Variants in MARCHF6 observed in about 807,000 individuals in gnomAD.
MARCHF6 encodes the protein E3 ubiquitin-protein ligase MARCHF6.
MARCHF6 carries 31 observed loss-of-function variants against 133.7 expected under a neutral mutation model. The ratio of observed to expected loss-of-function variants is 0.23; its 90% CI spans 0.17 to 0.31. The LOEUF is 0.31. MARCHF6 is among the 10% of genes least tolerant of loss of function. The pLI, the probability that MARCHF6 is intolerant of heterozygous loss-of-function variation, is 1.00. For synonymous variants in MARCHF6, 395 were observed against 402.5 expected (o/e 0.98, Z 0.22); for missense variants, 723 against 1,121.6 (o/e 0.64, Z 5.08).
chr5:10,381,238 G>A (rs982250926), intron 3 of MARCHF6, among the ~76,000 whole-genome samples: 3 of 152,208 alleles, frequency 2.0e-5, no homozygotes, highest in African/African-American at 7.2e-5. Flanking sequence ...ATTTCTCAGA[G>A]TAGTGGGAAG....
rs1343655969 is a variant in MARCHF6 at position 10,400,845 on chromosome 5, G to A, written c.972+3G>A. Reference sequence around the variant, plus strand: ...TTGGTTTGGGATTTGAAGAACACGTGAGTATAATACTTTTACAAAGTTACT... The same window carrying A: ...TTGGTTTGGGATTTGAAGAACACGTAAGTATAATACTTTTACAAAGTTACT... On this transcript the variant is annotated splice_donor_region_variant and intron_variant, in intron 11 of 25. Transcript: ENST00000274140. 2.5e-6 allele frequency: 4 copies of A among 1,601,766 alleles called. No homozygotes were observed. The highest frequency in any genetic ancestry group is 1.7e-5 in the Admixed American group (1 of 59,980).
At chr5:10,405,743 GT>G (rs1206233594) in intron 16 of MARCHF6, 66 bp downstream of exon 16, 32 of 1,418,262 alleles carry the variant, frequency 2.3e-5, no homozygotes, top group South Asian at 4.4e-5. Context: ...TTTTGTTTAG[GT>G]TTTTTTTTCC....
chr5:10,415,048 C>A (rs1739423452), intron 20 of MARCHF6, among the ~76,000 whole-genome samples: 1 of 152,064 alleles, frequency 6.6e-6, no homozygotes, highest in African/African-American at 2.4e-5. Flanking sequence ...GATGAATGAG[C>A]CAATTGGAAG....
chr5:10,364,681 G>A (rs2967944), intron 1 of MARCHF6, among the ~76,000 whole-genome samples: 126,461 of 152,200 alleles, frequency 0.83, 53,697 homozygotes, highest in Non-Finnish European at 0.89. Flanking sequence ...GCCCACAGCT[G>A]TTGGGCAGAA....
At chr5:10,423,218 G>T (rs1395255721) in intron 22 of MARCHF6, among the ~76,000 whole-genome samples, 2 of 151,956 alleles carry the variant, frequency 1.3e-5, no homozygotes, top group African/African-American at 2.4e-5. Flanking sequence ...GTCTGGTGGA[G>T]AGCTGGAGGG....
chr5:10,428,320 A>T (rs1209306862), intron 24 of MARCHF6, among the ~76,000 whole-genome samples: 9 of 141,678 alleles, frequency 6.4e-5, no homozygotes, highest in African/African-American at 2.1e-4. Flanking sequence ...TTCAAAGCCC[A>T]TTGCTTTTTA....
intron 4 of MARCHF6, among the ~76,000 whole-genome samples, chr5:10,384,749 G>A (rs1293073591): frequency 6.6e-6 from 1 of 152,198 alleles, no homozygotes; most frequent in Non-Finnish European, 1.5e-5. Flanking sequence ...CAGTGATCAA[G>A]GGGGAGCGCA....
chr5:10,361,400 C>G (rs1735811479), intron 1 of MARCHF6, among the ~76,000 whole-genome samples: 1 of 152,100 alleles, frequency 6.6e-6, no homozygotes, highest in Non-Finnish European at 1.5e-5. Flanking sequence ...GTTGGTAGGC[C>G]TGGTTTCTTC....
chr5:10,358,699 T>C (rs1735629720), intron 1 of MARCHF6, among the ~76,000 whole-genome samples: 1 of 152,210 alleles, frequency 6.6e-6, no homozygotes, highest in Non-Finnish European at 1.5e-5. Context: ...TTTGGAGATT[T>C]GCAGCAATTT....
chr5:10,373,129 C>T (rs1215761627), intron 1 of MARCHF6, among the ~76,000 whole-genome samples: 2 of 152,058 alleles, frequency 1.3e-5, no homozygotes, highest in African/African-American at 4.8e-5. Flanking sequence ...GTAGTTGTGT[C>T]TTTGCATTCT....
chr5:10,430,368 C>CG (rs1561154668), intron 25 of MARCHF6, among the ~76,000 whole-genome samples: 1 of 136,366 alleles, frequency 7.3e-6, no homozygotes, highest in Non-Finnish European at 1.5e-5. Context: ...TGCAGTGGTG[C>CG]GAACTTGGCT....
In MARCHF6 at chr5:10,437,187, G is replaced by A. The variant is rs1198050916; in HGVS notation, c.*3503G>A. Reference sequence around the variant, plus strand: ...ACTGGCGCTTTTTAAAACTTTCCAAGCTAGCTACTTATTTTCATTTTCAGG... The same window carrying A: ...ACTGGCGCTTTTTAAAACTTTCCAAACTAGCTACTTATTTTCATTTTCAGG... On this transcript the variant is annotated 3_prime_UTR_variant, in exon 26 of 26. Transcript: ENST00000274140. 1 of 152,194 alleles carries A rather than the reference G, an allele frequency of 6.6e-6. No homozygotes were observed. The highest frequency in any genetic ancestry group is 1.5e-5 in the Non-Finnish European group (1 of 68,044). The allele number at this position is 152,194 out of a possible 1,614,324, so 9.4% of individuals were successfully genotyped here.
At chr5:10,359,015 C>CGTTGCTGTTGTTGTGAGCTCAAGT (rs1561091779) in intron 1 of MARCHF6, among the ~76,000 whole-genome samples, 2 of 152,190 alleles carry the variant, frequency 1.3e-5, no homozygotes, top group Admixed American at 6.5e-5. Flanking sequence ...GGCCACCTTC[C>CGTTGCTGTTGTTGTGAGCTCAAGT]GTTGCTGTTG....
chr5:10,367,188 G>T (rs1184629216), intron 1 of MARCHF6, among the ~76,000 whole-genome samples: 1 of 152,172 alleles, frequency 6.6e-6, no homozygotes, highest in Non-Finnish European at 1.5e-5. Flanking sequence ...GCCCAGAGGA[G>T]CCCAAGGAGA....
Position 10,381,900 on chromosome 5 carries a change from A to T in MARCHF6, c.291A>T (p.Thr97=). The part of the protein sequence containing the change: ...GTAIRYWFHY[T]LVAFAWLGVV... ...CAATACGATATTGGTTTCATTATAC[A>T]CTTGTGGCCTTTGCATGGTTGGGAG... The change falls in exon 4 of 26, where the codon ACA becomes ACT. Residue 97 remains threonine, a synonymous_variant. Coordinates refer to ENST00000274140, the MANE Select transcript of MARCHF6 (RefSeq NM_005885.4). 1.2e-6 allele frequency: 2 copies of T among 1,613,512 alleles called. No homozygotes were observed. Among genetic ancestry groups the T allele is most frequent in the Non-Finnish European group, 1.7e-6 (2 of 1,179,774 alleles).
intron 22 of MARCHF6, among the ~76,000 whole-genome samples, chr5:10,417,826 G>A (rs1218672256): frequency 6.6e-6 from 1 of 150,784 alleles, no homozygotes; most frequent in Non-Finnish European, 1.5e-5. Context: ...TTAATTCTAG[G>A]AACTCTTATA....
Position 10,433,865 on chromosome 5 carries a change from C to A in MARCHF6, c.*181C>A, listed in dbSNP as rs1489635636. 2 of 593,578 alleles carry A rather than the reference C, an allele frequency of 3.4e-6. No homozygotes were observed. The highest frequency in any genetic ancestry group is 3.7e-5 in the African/African-American group (2 of 53,544). 36.8% of individuals were successfully genotyped at this position (593,578 alleles called of 1,614,324 possible). On this transcript the variant is annotated 3_prime_UTR_variant, in exon 26 of 26. Transcript: ENST00000274140. Reference sequence around the variant, plus strand: ...CTGCTGTTCTCCCTGGATCTTCTGACATTACTGCTGTCTGAGATTTGTATA... The same window carrying A: ...CTGCTGTTCTCCCTGGATCTTCTGAAATTACTGCTGTCTGAGATTTGTATA...
At chr5:10,360,117 C>T (rs915966063) in intron 1 of MARCHF6, among the ~76,000 whole-genome samples, 2 of 142,906 alleles carry the variant, frequency 1.4e-5, no homozygotes, top group African/African-American at 2.6e-5. Flanking sequence ...AGTAGTTTTT[C>T]GGGAGTCAAA....
chr5:10,416,705 CTT>C (rs1739533243), intron 21 of MARCHF6, among the ~76,000 whole-genome samples: 1 of 152,012 alleles, frequency 6.6e-6, no homozygotes, highest in African/African-American at 2.4e-5. Context: ...CATCATTACT[CTT>C]TTATAATGTC....
Sources: gnomAD v4.1 joint callset for allele counts (sites outside exome capture counted in the v4.1 genomes callset) on GRCh38, gnomAD v4.1.1 for gene constraint, MANE v1.5 for transcripts, NCBI Gene and HGNC (gene_info 2026-07-23, HGNC 2026-07-21) for gene names.